Variants in CSMD3 observed in about 807,000 individuals in gnomAD.
The protein encoded by CSMD3 is CUB and Sushi multiple domains 3.
Under a neutral mutation model 435.2 loss-of-function variants are expected in CSMD3, and 177 were observed. The ratio of observed to expected loss-of-function variants is 0.41; its 90% CI spans 0.36 to 0.46. CSMD3 has a LOEUF of 0.46. Ranked by LOEUF, CSMD3 falls within the 20% of genes least tolerant of loss-of-function variation. The probability of loss-of-function intolerance (pLI) is 0.34; values close to 1 mark genes in which losing one functional copy is unlikely to be tolerated. For missense variants in CSMD3, 4,265 were observed against 4,504.6 expected (o/e 0.95, Z 1.52); for synonymous variants, 1,656 against 1,520.5 (o/e 1.09, Z -2.07).
rs1812411148 is a variant in CSMD3 at position 112,224,691 on chromosome 8, A to G, written c.*80T>C. On this transcript the variant is annotated 3_prime_UTR_variant, in exon 71 of 71. Transcript: ENST00000297405. ...CAGCAAGTCCTGAAAAGTGTGCTTT[A>G]ATTTGTTTAGCAGTGAACTAAATGT... 7.0e-7 allele frequency: 1 copy of G among 1,426,636 alleles called. No homozygotes were observed. The highest frequency in any genetic ancestry group is 1.4e-5 in the African/African-American group (1 of 71,286). The allele number at this position is 1,426,636 out of a possible 1,614,324, so 88.4% of individuals were successfully genotyped here.
rs71309787 is a variant in CSMD3 at position 112,747,183 on chromosome 8, C to CTTTTTT, written c.1972+52973_1972+52978dup. On this transcript the variant is annotated intron_variant, in intron 13 of 70. Coordinates refer to ENST00000297405, the MANE Select transcript of CSMD3 (RefSeq NM_198123.2). The stretch of plus-strand genomic sequence containing the variant: ...TATGATTATTTGTCTGCACACTTCC[C>CTTTTTT]TTTTTTTTTTTTTTTTTTTTTTTTT... 1.6e-3 allele frequency among the ~76,000 whole-genome samples: 42 copies of CTTTTTT among 26,904 alleles called. 1 individual carries two copies. Among genetic ancestry groups the CTTTTTT allele is most frequent in the African/African-American group, 5.8e-3 (22 of 3,822 alleles). The allele number at this position is 26,904 out of a possible 152,430, so 17.7% of individuals were successfully genotyped here. A position where few individuals can be genotyped will look rare whatever the true frequency, so the allele number is the denominator to read the frequency against.
chr8:112,981,250 C>A (rs2085042829), intron 6 of CSMD3, among the ~76,000 whole-genome samples: 1 of 151,248 alleles, frequency 6.6e-6, no homozygotes, highest in Non-Finnish European at 1.5e-5. Flanking sequence ...GCAAAATTGG[C>A]TATCACTTGT....
intron 12 of CSMD3, among the ~76,000 whole-genome samples, chr8:112,810,882 A>T (rs530421206): frequency 1.3e-5 from 2 of 152,150 alleles, no homozygotes; most frequent in South Asian, 4.1e-4. Flanking sequence ...TGTCATGAGG[A>T]TCTACAAAAA....
chr8:113,084,549 G>A (rs2089683636), intron 5 of CSMD3, among the ~76,000 whole-genome samples: 1 of 149,562 alleles, frequency 6.7e-6, no homozygotes, highest in Admixed American at 6.7e-5. Context: ...CAGATTCAAT[G>A]GAATCTCTAT....
At chr8:113,327,087 T>C (rs1316259552) in intron 1 of CSMD3, among the ~76,000 whole-genome samples, 2 of 152,204 alleles carry the variant, frequency 1.3e-5, no homozygotes, top group Non-Finnish European at 1.5e-5. Context: ...AGAGCTTATA[T>C]AAAATACTAC....
At chr8:112,957,064 C>T (rs2084045347) in intron 7 of CSMD3, among the ~76,000 whole-genome samples, 1 of 151,600 alleles carries the variant, frequency 6.6e-6, no homozygotes, top group African/African-American at 2.4e-5. Flanking sequence ...ATGTATATCT[C>T]CTAATAAATA....
rs564736793 is a variant in CSMD3, at chr8:113,376,565, T to C, written c.178+60112A>G. 1.5e-3 allele frequency: 985 copies of C among 659,380 alleles called. 3 individuals are homozygous for C. Among genetic ancestry groups the C allele is most frequent in the Admixed American group, 3.0e-3 (107 of 35,496 alleles). 40.8% of individuals were successfully genotyped at this position (659,380 alleles called of 1,614,324 possible). A position where few individuals can be genotyped will look rare whatever the true frequency, so the allele number is the denominator to read the frequency against. On this transcript the variant is annotated intron_variant, in intron 1 of 70. Coordinates refer to ENST00000297405, the MANE Select transcript of CSMD3 (RefSeq NM_198123.2). ...TTATTTATGCGTTTGTTGTCCAAAA[T>C]AAACTAATATATAAAAAAATTGATA...
intron 16 of CSMD3, among the ~76,000 whole-genome samples, chr8:112,668,253 A>G (rs1446757795): frequency 6.6e-6 from 1 of 152,152 alleles, no homozygotes; most frequent in African/African-American, 2.4e-5. Flanking sequence ...ATGTATTTCA[A>G]AAATGAAATT....
intron 9 of CSMD3, among the ~76,000 whole-genome samples, chr8:112,926,235 T>C (rs1488762414): frequency 1.2e-5 from 1 of 82,182 alleles, no homozygotes; most frequent in East Asian, 5.2e-4. Flanking sequence ...TTACACTCAT[T>C]AAATATGTGT....
At chr8:113,403,739 C>A (rs1347684222) in intron 1 of CSMD3, among the ~76,000 whole-genome samples, 2 of 151,404 alleles carry the variant, frequency 1.3e-5, no homozygotes, top group African/African-American at 4.8e-5. Context: ...GATAAAAGTT[C>A]ATCTCACCAA....
At chr8:112,453,396 A>T (rs531148836) in intron 32 of CSMD3, among the ~76,000 whole-genome samples, 2 of 152,298 alleles carry the variant, frequency 1.3e-5, no homozygotes, top group South Asian at 2.1e-4. Context: ...CCTAGACCTG[A>T]TAAATGACTT....
At chr8:112,625,587 T>C (rs1272160199) in intron 22 of CSMD3, among the ~76,000 whole-genome samples, 1 of 152,066 alleles carries the variant, frequency 6.6e-6, no homozygotes, top group Non-Finnish European at 1.5e-5. Context: ...TCCATCACCT[T>C]TGAAATACAC....
rs370836040 is a variant in CSMD3 at position 112,244,503 on chromosome 8, C to A, written c.10293G>T (p.Gly3431=). The A allele has an allele frequency of 3.1e-6, 5 of 1,613,634 alleles. No homozygotes were observed. The African/African-American group carries it at 4.0e-5, about 13-fold the overall frequency. ...GCTGACAGGTATAAATCAGTGTATA[C>A]CCATGAGATGGAAGGTCCATCCCTA... is the stretch of plus-strand genomic sequence containing the variant. ...NVVGMDLPSH[G]YTLIYTCQPG... The change falls in exon 65 of 71, where the codon GGG becomes GGT. Residue 3431 remains glycine (G), a synonymous_variant. Coordinates refer to ENST00000297405, the MANE Select transcript of CSMD3 (RefSeq NM_198123.2).
In CSMD3 at chr8:112,295,848, G is replaced by A. The variant is rs1398737457; in HGVS notation, c.8599C>T (p.Leu2867Phe). 5 of 1,613,866 alleles carry A rather than the reference G, an allele frequency of 3.1e-6. No individual in the cohort carries two copies. The highest frequency in any genetic ancestry group is 1.1e-5 in the South Asian group (1 of 91,052). ...GCTTACTTACGCACACAGGATGGGAGCTGACCAGACCAATTGTGATCCTGT... is the reference window on the plus strand; with the variant it reads ...GCTTACTTACGCACACAGGATGGGAACTGACCAGACCAATTGTGATCCTGT... ...CQQDHNWSGQ[L>F]PSCVPVSCGH... Residue 2867 changes from leucine to phenylalanine, a missense_variant, in exon 54 of 71, where the codon CTC becomes TTC. Physicochemically the swap from Leu to Phe is conservative, Grantham distance 22. Around this residue, in one of 3 missense-constraint regions of CSMD3, gnomAD observed 3,255 missense variants for 3,380.2 expected, o/e 0.96. Transcript: ENST00000297405.
At chr8:113,190,760 T>C (rs1044382389) in intron 3 of CSMD3, among the ~76,000 whole-genome samples, 1 of 151,762 alleles carries the variant, frequency 6.6e-6, no homozygotes, top group African/African-American at 2.4e-5. Flanking sequence ...AAACAGTGAA[T>C]GTTAACATCA....
chr8:113,033,582 TTTTTGCTTTTGC>T (rs1253751436), intron 5 of CSMD3, among the ~76,000 whole-genome samples: 5 of 151,008 alleles, frequency 3.3e-5, no homozygotes, highest in African/African-American at 7.3e-5. Context: ...TTTTTTTTTT[TTTTTGCTTTTGC>T]TTTTGCTTTT....
chr8:113,337,627 T>TA (rs1250233293), intron 1 of CSMD3, among the ~76,000 whole-genome samples: 1 of 152,056 alleles, frequency 6.6e-6, no homozygotes, highest in Admixed American at 6.6e-5. Context: ...AAAAAATAGA[T>TA]AAATTAGATT....
intron 8 of CSMD3, among the ~76,000 whole-genome samples, chr8:112,954,445 G>C (rs182198068): frequency 2.6e-5 from 4 of 151,396 alleles, no homozygotes; most frequent in Non-Finnish European, 4.4e-5. Context: ...TTTACATCTT[G>C]AAATATAAAA....
intron 12 of CSMD3, among the ~76,000 whole-genome samples, chr8:112,807,955 A>C (rs1203546860): frequency 6.6e-6 from 1 of 152,200 alleles, no homozygotes; most frequent in East Asian, 1.9e-4. Flanking sequence ...TTTGATTAAT[A>C]GTGTGTCATT....
Sources: gnomAD v4.1 joint callset for allele counts (sites outside exome capture counted in the v4.1 genomes callset) on GRCh38, gnomAD v4.1.1 for gene constraint, gnomAD v4.1.1 regional missense constraint, MANE v1.5 for transcripts, NCBI Gene and HGNC (gene_info 2026-07-23, HGNC 2026-07-21) for gene names.